SORCS3: variants seen among roughly 807,000 people sequenced by gnomAD.
The protein encoded by SORCS3 is VPS10 domain-containing receptor SorCS3.
Under a neutral mutation model 146.3 loss-of-function variants are expected in SORCS3, and 57 were observed. That is an observed-to-expected ratio of 0.39 (90% CI 0.31 to 0.49). The LOEUF is 0.49. SORCS3 is among the 20% of genes least tolerant of loss of function. The pLI, the probability that SORCS3 is intolerant of heterozygous loss-of-function variation, is 0.92. For synonymous variants in SORCS3, 653 were observed against 618.5 expected (o/e 1.06, Z -0.83); for missense variants, 1,341 against 1,575.5 (o/e 0.85, Z 2.52).
chr10:104,901,836 A>G (rs1041230664), intron 2 of SORCS3, among the ~76,000 whole-genome samples: 2 of 152,176 alleles, frequency 1.3e-5, no homozygotes, highest in Admixed American at 1.3e-4. Context: ...TAGGTGATGC[A>G]GAGGCTGGCA....
At chr10:104,915,000 C>G (rs1008156196) in intron 2 of SORCS3, among the ~76,000 whole-genome samples, 3 of 148,870 alleles carry the variant, frequency 2.0e-5, no homozygotes, top group African/African-American at 5.0e-5. Flanking sequence ...AGGGAGGTCT[C>G]TGTGGGCCAG....
intron 11 of SORCS3, among the ~76,000 whole-genome samples, chr10:105,159,832 A>G (rs1388474199): frequency 6.6e-6 from 1 of 152,150 alleles, no homozygotes; most frequent in Admixed American, 6.5e-5. Flanking sequence ...CAAGCCTCCA[A>G]CTGTGTGAGC....
At chr10:104,661,018 A>C (rs2015693702) in intron 1 of SORCS3, among the ~76,000 whole-genome samples, 2 of 152,250 alleles carry the variant, frequency 1.3e-5, no homozygotes, top group South Asian at 4.1e-4. Flanking sequence ...TTTATTTAAA[A>C]TACATATGAC....
intron 1 of SORCS3, among the ~76,000 whole-genome samples, chr10:104,724,511 G>A (rs1178499687): frequency 6.6e-6 from 1 of 152,040 alleles, no homozygotes. Flanking sequence ...TCCTGAATCT[G>A]AATGTTGGCC....
At chr10:105,202,679 C>T (rs1023486500) in intron 16 of SORCS3, among the ~76,000 whole-genome samples, 2 of 152,138 alleles carry the variant, frequency 1.3e-5, no homozygotes, top group East Asian at 1.9e-4. Context: ...GCATCCACAG[C>T]GCCTGGCCCG....
chr10:105,045,004 T>A, intron 5 of SORCS3, among the ~76,000 whole-genome samples: 1 of 126,818 alleles, frequency 7.9e-6, no homozygotes, highest in African/African-American at 3.2e-5. Flanking sequence ...ATGCCACCAC[T>A]CAGAAGTCCA....
chr10:105,256,305 A>G (rs772614276), intron 24 of SORCS3, among the ~76,000 whole-genome samples: 3 of 152,212 alleles, frequency 2.0e-5, no homozygotes, highest in Non-Finnish European at 4.4e-5. Context: ...CCCATTGGGC[A>G]TCTACTTTGG....
intron 3 of SORCS3, among the ~76,000 whole-genome samples, chr10:104,929,243 A>G (rs886764104): frequency 1.3e-5 from 2 of 152,172 alleles, no homozygotes; most frequent in African/African-American, 4.8e-5. Context: ...TAAATAGCAT[A>G]ATGTATATAG....
intron 2 of SORCS3, among the ~76,000 whole-genome samples, chr10:104,853,203 G>A (rs564982260): frequency 5.9e-5 from 9 of 152,306 alleles, no homozygotes; most frequent in African/African-American, 1.4e-4. Flanking sequence ...GGAAGCTGAC[G>A]CAGGAGAGTT....
chr10:104,888,185 T>C (rs2018711357), intron 2 of SORCS3, among the ~76,000 whole-genome samples: 1 of 152,212 alleles, frequency 6.6e-6, no homozygotes, highest in Admixed American at 6.5e-5. Flanking sequence ...TCTCATACAA[T>C]TGTAACAGTT....
intron 24 of SORCS3, among the ~76,000 whole-genome samples, chr10:105,256,118 GATTAT>G (rs2056929953): frequency 6.6e-6 from 1 of 152,108 alleles, no homozygotes; most frequent in African/African-American, 2.4e-5. Flanking sequence ...TGACAGTTGG[GATTAT>G]ATTGGACAGT....
chr10:104,799,548 T>C (rs1171017012), intron 1 of SORCS3, among the ~76,000 whole-genome samples: 1 of 151,326 alleles, frequency 6.6e-6, no homozygotes, highest in African/African-American at 2.4e-5. Context: ...CTGTTGGGGG[T>C]TGGGGGGCTA....
intron 20 of SORCS3, among the ~76,000 whole-genome samples, chr10:105,242,519 C>CATTTATATATATTTATATATATTTATAT (rs2056835018): frequency 3.3e-5 from 1 of 30,308 alleles, no homozygotes; most frequent in Non-Finnish European, 5.8e-5. Context: ...TATTTATATA[C>CATTTATATATATTTATATATATTTATAT]ATTTATATAT....
intron 16 of SORCS3, among the ~76,000 whole-genome samples, chr10:105,204,237 C>G (rs1266164248): frequency 6.6e-6 from 1 of 152,044 alleles, no homozygotes; most frequent in African/African-American, 2.4e-5. Flanking sequence ...AGGTTACATC[C>G]CTGGGAGAGA....
intron 2 of SORCS3, among the ~76,000 whole-genome samples, chr10:104,874,583 A>G (rs2018551909): frequency 6.6e-6 from 1 of 152,090 alleles, no homozygotes; most frequent in Non-Finnish European, 1.5e-5. Flanking sequence ...GGTTTTATTA[A>G]AAAAAACAAA....
chr10:104,930,743 G>T (rs17117996), intron 3 of SORCS3, among the ~76,000 whole-genome samples: 310 of 152,294 alleles, frequency 2.0e-3, no homozygotes, highest in African/African-American at 7.2e-3. Context: ...TGGCCAAGAA[G>T]CTACTTTGTT....
At position 105,264,700 on chromosome 10, in the gene SORCS3, G is replaced by C. The variant is rs557852378; in HGVS notation, c.*1326G>C. ...AAATGTCTGCCTTCAGTTCCCTTAA[G>C]GTAGTTCTTGCCTCTGGGGTGAGTG... On this transcript the variant is annotated 3_prime_UTR_variant, in exon 27 of 27. Coordinates refer to ENST00000369701, the MANE Select transcript of SORCS3 (RefSeq NM_014978.3). 1 of 152,726 alleles carries C rather than the reference G, an allele frequency of 6.5e-6. No homozygotes were observed. Among genetic ancestry groups the C allele is most frequent in the South Asian group, 2.1e-4 (1 of 4,828 alleles). 9.5% of individuals were successfully genotyped at this position (152,726 alleles called of 1,614,324 possible).
At chr10:105,170,745 A>G (rs1482642163) in intron 13 of SORCS3, among the ~76,000 whole-genome samples, 2 of 152,176 alleles carry the variant, frequency 1.3e-5, no homozygotes, top group Non-Finnish European at 2.9e-5. Flanking sequence ...CAACCAACTC[A>G]TTTGGGAATT....
At chr10:104,673,341 C>G (rs1481029266) in intron 1 of SORCS3, among the ~76,000 whole-genome samples, 2 of 151,798 alleles carry the variant, frequency 1.3e-5, no homozygotes, top group African/African-American at 4.8e-5. Flanking sequence ...CCCCCCATTT[C>G]CTGCATTACT....
Sources: allele counts gnomAD v4.1 joint callset (sites outside exome capture counted in the v4.1 genomes callset), GRCh38; gene constraint gnomAD v4.1.1; transcripts MANE v1.5; gene names NCBI Gene and HGNC (gene_info 2026-07-23, HGNC 2026-07-21).